Variants in PLAC8L1 observed in about 807,000 individuals in gnomAD.
PLAC8L1 encodes the protein PLAC8 like 1.
Under a neutral mutation model 16.3 loss-of-function variants are expected in PLAC8L1, and 13 were observed. The ratio of observed to expected loss-of-function variants is 0.80; its 90% CI spans 0.52 to 1.27. The LOEUF (loss-of-function observed/expected upper bound fraction) is 1.27. PLAC8L1 is among the 50% of genes most tolerant of loss of function. PLAC8L1 has a pLI of 0.00. For missense variants in PLAC8L1, 184 were observed against 220.2 expected (o/e 0.84, Z 1.04); for synonymous variants, 78 against 79.3 (o/e 0.98, Z 0.09).
At chr5:146,090,020 G>A (rs894590151) in intron 2 of PLAC8L1, among the ~76,000 whole-genome samples, 1 of 151,890 alleles carries the variant, frequency 6.6e-6, no homozygotes, top group Admixed American at 6.6e-5. Flanking sequence ...ATTACAGGCT[G>A]AGCCACAGCG....
intron 1 of PLAC8L1, among the ~76,000 whole-genome samples, chr5:146,100,116 G>A (rs968594781): frequency 6.6e-6 from 1 of 151,994 alleles, no homozygotes. Flanking sequence ...CACTAATGAT[G>A]GTGACTGCAG....
chr5:146,087,322 A>G (rs1041533227), intron 2 of PLAC8L1, among the ~76,000 whole-genome samples: 3 of 151,662 alleles, frequency 2.0e-5, no homozygotes, highest in Non-Finnish European at 3.0e-5. Context: ...TTTGACTGCT[A>G]TGAAGATTCA....
At chr5:146,098,674 G>A (rs1561785263) in intron 1 of PLAC8L1, among the ~76,000 whole-genome samples, 1 of 152,176 alleles carries the variant, frequency 6.6e-6, no homozygotes, top group Non-Finnish European at 1.5e-5. Context: ...TGGTTCTGAT[G>A]AAAAAACTAC....
chr5:146,104,176 C>T lies in PLAC8L1; in HGVS notation c.119+17G>A, dbSNP rs747898608. 2 of 1,611,774 alleles carry T rather than the reference C, an allele frequency of 1.2e-6. No homozygotes were observed. The highest frequency in any genetic ancestry group is 2.2e-5 in the East Asian group (1 of 44,780). Reference sequence around the variant, plus strand: ...TAAAGAGCAAAAGCTAGGGGAAAAACTCACCCTATTCCCTACCTCAAGTTG... The same window carrying T: ...TAAAGAGCAAAAGCTAGGGGAAAAATTCACCCTATTCCCTACCTCAAGTTG... On this transcript the variant is annotated intron_variant, in intron 1 of 3. Transcript: ENST00000311450.
chr5:146,101,622 G>A (rs1045158769), intron 1 of PLAC8L1, among the ~76,000 whole-genome samples: 1 of 152,170 alleles, frequency 6.6e-6, no homozygotes, highest in Non-Finnish European at 1.5e-5. Flanking sequence ...GGACCAAATA[G>A]ATTCTCTTGT....
intron 2 of PLAC8L1, among the ~76,000 whole-genome samples, chr5:146,086,855 A>G (rs948543397): frequency 1.3e-5 from 2 of 152,236 alleles, no homozygotes; most frequent in East Asian, 3.8e-4. Context: ...CAAGCTAACC[A>G]TAATCTCTGA....
chr5:146,097,540 T>G (rs1442427876), intron 2 of PLAC8L1, among the ~76,000 whole-genome samples: 1 of 152,264 alleles, frequency 6.6e-6, no homozygotes, highest in African/African-American at 2.4e-5. Context: ...AAACACGGTA[T>G]CTACTGTGCA....
At chr5:146,085,221 C>T (rs567401574) in intron 3 of PLAC8L1, among the ~76,000 whole-genome samples, 1 of 152,310 alleles carries the variant, frequency 6.6e-6, no homozygotes, top group African/African-American at 2.4e-5. Flanking sequence ...ACTTTGAGAA[C>T]AGCCTGGCCA....
rs115878718 is a variant in PLAC8L1, at chr5:146,103,482, A to C, written c.119+711T>G. Among the ~76,000 whole-genome samples the C allele has an allele frequency of 7.8e-3, 1,193 of 152,212 alleles. 14 individuals are homozygous for C. Among genetic ancestry groups the C allele is most frequent in the African/African-American group, 0.027 (1,134 of 41,532 alleles). Reference sequence around the variant, plus strand: ...CCTCAGACCCCATCTCTTAAAAAAAAAAGATTCAGTCAGGGTAACCAACCA... The same window carrying C: ...CCTCAGACCCCATCTCTTAAAAAAACAAGATTCAGTCAGGGTAACCAACCA... On this transcript the variant is annotated intron_variant, in intron 1 of 3. Coordinates refer to ENST00000311450, the MANE Select transcript of PLAC8L1 (RefSeq NM_001029869.3).
At chr5:146,100,757 G>A (rs549679940) in intron 1 of PLAC8L1, among the ~76,000 whole-genome samples, 103 of 152,158 alleles carry the variant, frequency 6.8e-4, no homozygotes, top group African/African-American at 2.4e-3. Context: ...ATGTAAGTTA[G>A]GGCCCATTTC....
intron 2 of PLAC8L1, among the ~76,000 whole-genome samples, chr5:146,089,899 C>T (rs1217615082): frequency 7.2e-5 from 11 of 151,786 alleles, no homozygotes; most frequent in South Asian, 4.2e-4. Context: ...CCACCATGCC[C>T]GGCTAATTTT....
chr5:146,085,934 A>C (rs983823011), intron 2 of PLAC8L1, among the ~76,000 whole-genome samples: 4 of 150,314 alleles, frequency 2.7e-5, no homozygotes, highest in African/African-American at 1.0e-4. Context: ...CATTATGTTC[A>C]TCTATCTAAT....
At chr5:146,092,439 T>C (rs553978540) in intron 2 of PLAC8L1, among the ~76,000 whole-genome samples, 1 of 152,262 alleles carries the variant, frequency 6.6e-6, no homozygotes, top group South Asian at 2.1e-4. Context: ...ATAGCAGTGG[T>C]TTGAATGGCA....
At chr5:146,102,727 ATT>A (rs949876382) in intron 1 of PLAC8L1, among the ~76,000 whole-genome samples, 7 of 152,202 alleles carry the variant, frequency 4.6e-5, no homozygotes, top group African/African-American at 1.7e-4. Context: ...AAACATTTTC[ATT>A]TCAGACACAA....
At chr5:146,104,142 T>C (rs1404705526) in intron 1 of PLAC8L1, 51 bp downstream of exon 1, 6 of 1,597,658 alleles carry the variant, frequency 3.8e-6, no homozygotes, top group African/African-American at 2.7e-5. Flanking sequence ...GTTGATTCGA[T>C]AGTCCAACTA....
chr5:146,090,790 C>A (rs536502907), intron 2 of PLAC8L1, among the ~76,000 whole-genome samples: 2 of 152,018 alleles, frequency 1.3e-5, no homozygotes, highest in Non-Finnish European at 2.9e-5. Context: ...CAGTAGCTCA[C>A]ACCTGTAATC....
chr5:146,085,424 C>G, intron 3 of PLAC8L1, 37 bp downstream of exon 3: 1 of 1,580,850 alleles, frequency 6.3e-7, no homozygotes, highest in Non-Finnish European at 8.6e-7. Flanking sequence ...GGTTTTCATA[C>G]AGATTCGGGT....
At chr5:146,089,290 T>C (rs982917364) in intron 2 of PLAC8L1, among the ~76,000 whole-genome samples, 1 of 152,232 alleles carries the variant, frequency 6.6e-6, no homozygotes, top group African/African-American at 2.4e-5. Flanking sequence ...TCAATTACTG[T>C]ACTTTGAAGA....
chr5:146,090,898 C>T (rs1440688027), intron 2 of PLAC8L1, among the ~76,000 whole-genome samples: 2 of 151,866 alleles, frequency 1.3e-5, no homozygotes, highest in Non-Finnish European at 2.9e-5. Flanking sequence ...GCTAAAAATA[C>T]AAAAAATTAG....
Sources: allele counts gnomAD v4.1 joint callset (sites outside exome capture counted in the v4.1 genomes callset), GRCh38; gene constraint gnomAD v4.1.1; transcripts MANE v1.5; gene names NCBI Gene and HGNC (gene_info 2026-07-23, HGNC 2026-07-21).